FRMPD4: variants seen among roughly 807,000 people sequenced by gnomAD.
FRMPD4 encodes the protein FERM and PDZ domain containing 4, also known as FERM and PDZ domain-containing protein 4.
A neutral mutation model predicts 94.1 loss-of-function variants in FRMPD4; 22 were observed. The observed-to-expected ratio is 0.23, with a 90% confidence interval of 0.17 to 0.33. FRMPD4 has a LOEUF of 0.33. Among genes scored for constraint, FRMPD4 ranks in the 10% least tolerant of loss-of-function variants. The probability of loss-of-function intolerance (pLI) is 1.00; values close to 1 mark genes in which losing one functional copy is unlikely to be tolerated. For missense variants in FRMPD4, 1,111 were observed against 1,339.9 expected, an observed-to-expected ratio of 0.83 and a Z score of 2.67; for synonymous variants, 631 against 548.6, an observed-to-expected ratio of 1.15 and a Z score of -2.10.
At chrX:12,121,159 C>T (rs1413505919) in intron 3 of FRMPD4, among the ~76,000 whole-genome samples, 2 of 108,841 alleles carry the variant, frequency 1.8e-5, no homozygotes, top group Non-Finnish European at 3.8e-5. Context: ...TATTTTCAAT[C>T]TCATTATCTC....
intron 1 of FRMPD4, among the ~76,000 whole-genome samples, chrX:12,327,953 A>T (rs143237696): frequency 3.9e-4 from 44 of 111,708 alleles, no homozygotes; most frequent in African/African-American, 1.4e-3. Flanking sequence ...TCCCATCAAT[A>T]GTTGGAGTCT....
At chrX:12,565,448 A>G (rs2058703151) in intron 2 of FRMPD4, among the ~76,000 whole-genome samples, 1 of 112,372 alleles carries the variant, frequency 8.9e-6, no homozygotes, top group Non-Finnish European at 1.9e-5. Flanking sequence ...CCACTGACAT[A>G]ATATAACAAG....
intron 2 of FRMPD4, among the ~76,000 whole-genome samples, chrX:12,609,120 A>C (rs2059156994): frequency 8.9e-6 from 1 of 112,469 alleles, no homozygotes; most frequent in African/African-American, 3.2e-5. Context: ...AGGGAAGAGA[A>C]AATATATTTA....
At chrX:12,706,582 C>A (rs1333782236) in intron 11 of FRMPD4, among the ~76,000 whole-genome samples, 1 of 111,704 alleles carries the variant, frequency 9.0e-6, no homozygotes, top group Non-Finnish European at 1.9e-5. Context: ...CATATCTATA[C>A]CCATGAGTGC....
At chrX:12,640,192 C>T (rs751200620) in intron 4 of FRMPD4, among the ~76,000 whole-genome samples, 13 of 103,283 alleles carry the variant, frequency 1.3e-4, no homozygotes, top group Admixed American at 8.7e-4. Context: ...CCAGCTACTC[C>T]GGAGGCTGAG....
At chrX:12,556,494 G>A (rs2058597021) in intron 2 of FRMPD4, among the ~76,000 whole-genome samples, 1 of 111,289 alleles carries the variant, frequency 9.0e-6, no homozygotes, top group Non-Finnish European at 1.9e-5. Flanking sequence ...CTTCCAAAAA[G>A]CACTGAGCTT....
At chrX:12,053,359 G>GAAGAAAGA (rs57459327) in intron 3 of FRMPD4, among the ~76,000 whole-genome samples, 2,093 of 51,389 alleles carry the variant, frequency 0.041, 64 homozygotes, top group South Asian at 0.044. Context: ...AGGAAAGAAA[G>GAAGAAAGA]AAGAAAGAAA....
At chrX:12,135,876 G>T (rs1364610466), upstream of FRMPD4, among the ~76,000 whole-genome samples, 1 of 112,100 alleles carries the variant, frequency 8.9e-6, no homozygotes, top group Non-Finnish European at 1.9e-5. Flanking sequence ...CAAAGGCACT[G>T]TTTTATCCCC....
intron 3 of FRMPD4, among the ~76,000 whole-genome samples, chrX:12,129,623 C>T (rs1453098155): frequency 8.9e-6 from 1 of 111,888 alleles, no homozygotes; most frequent in Non-Finnish European, 1.9e-5. Flanking sequence ...CTTATCTCCA[C>T]CTCTCATAGT....
chrX:12,563,925 G>A (rs1480838279), intron 2 of FRMPD4, among the ~76,000 whole-genome samples: 1 of 112,298 alleles, frequency 8.9e-6, no homozygotes, highest in African/African-American at 3.2e-5. Context: ...AGTTCAGACT[G>A]TTATAAGAAA....
intron 1 of FRMPD4, among the ~76,000 whole-genome samples, chrX:12,267,611 G>A (rs1360128287): frequency 3.7e-5 from 4 of 108,969 alleles, no homozygotes; most frequent in Non-Finnish European, 7.8e-5. Flanking sequence ...GGAATGGTTC[G>A]CTTGAATATT....
chrX:11,955,242 G>C (rs1322032435), intron 3 of FRMPD4, among the ~76,000 whole-genome samples: 1 of 110,958 alleles, frequency 9.0e-6, no homozygotes, highest in Non-Finnish European at 1.9e-5. Flanking sequence ...ATCACCTTAG[G>C]AGTTAGGATT....
At chrX:12,406,676 A>G (rs1432874135) in intron 1 of FRMPD4, among the ~76,000 whole-genome samples, 1 of 111,963 alleles carries the variant, frequency 8.9e-6, no homozygotes, top group Non-Finnish European at 1.9e-5. Context: ...AGTCCCATCT[A>G]ACTCTGCATT....
At chrX:11,874,994 G>A (rs1328169734) in intron 2 of FRMPD4, among the ~76,000 whole-genome samples, 1 of 112,508 alleles carries the variant, frequency 8.9e-6, no homozygotes, top group Non-Finnish European at 1.9e-5. Context: ...ACTGGAAAGA[G>A]GAGGCAGAGG....
chrX:12,191,562 A>G (rs2147694402), intron 1 of FRMPD4, among the ~76,000 whole-genome samples: 1 of 112,230 alleles, frequency 8.9e-6, no homozygotes, highest in Non-Finnish European at 1.9e-5. Flanking sequence ...ATTCAGAGCT[A>G]AAAGGAAATG....
intron 1 of FRMPD4, among the ~76,000 whole-genome samples, chrX:12,295,092 T>C (rs1214434487): frequency 8.9e-6 from 1 of 112,135 alleles, no homozygotes; most frequent in Non-Finnish European, 1.9e-5. Flanking sequence ...CCTTTCCCTA[T>C]AGGCAATCTA....
intron 3 of FRMPD4, among the ~76,000 whole-genome samples, chrX:12,095,888 T>C (rs2055196422): frequency 8.9e-6 from 1 of 112,454 alleles, no homozygotes; most frequent in Non-Finnish European, 1.9e-5. Context: ...TGCCTTAGTG[T>C]TTCCAGACCC....
chrX:11,979,254 C>A (rs1279964354), intron 3 of FRMPD4, among the ~76,000 whole-genome samples: 1 of 112,064 alleles, frequency 8.9e-6, no homozygotes, highest in Non-Finnish European at 1.9e-5. Flanking sequence ...TTAGTTCTGT[C>A]TCTTTGGTCA....
chrX:12,559,672 A>G (rs1235286845), intron 2 of FRMPD4, among the ~76,000 whole-genome samples: 1 of 110,363 alleles, frequency 9.1e-6, no homozygotes, highest in Admixed American at 9.6e-5. Context: ...AAACAAAAAA[A>G]ACTCTTATTG....
Sources: allele counts gnomAD v4.1 joint callset (sites outside exome capture counted in the v4.1 genomes callset), GRCh38; gene constraint gnomAD v4.1.1; transcripts MANE v1.5; gene names NCBI Gene and HGNC (gene_info 2026-07-23, HGNC 2026-07-21).